Variants in ABTB2 observed in about 807,000 individuals in gnomAD.
ABTB2 encodes ankyrin repeat and BTB/POZ domain-containing protein 2.
A neutral mutation model predicts 104.1 loss-of-function variants in ABTB2; 56 were observed. The observed-to-expected ratio is 0.54, with a 90% CI of 0.43 to 0.67. The LOEUF (loss-of-function observed/expected upper bound fraction) is 0.67, where lower values mean the gene tolerates loss of function less well. Ranked by LOEUF, ABTB2 falls within the 30% of genes least tolerant of loss-of-function variation. The probability of loss-of-function intolerance (pLI) is 0.00; values close to 1 mark genes in which losing one functional copy is unlikely to be tolerated. For missense variants in ABTB2, 1,279 were observed against 1,407.7 expected, an observed-to-expected ratio of 0.91 and a Z score of 1.46; for synonymous variants, 606 against 608.2, an observed-to-expected ratio of 1.00 and a Z score of 0.05.
chr11:34,241,448 T>C (rs1302636558), intron 1 of ABTB2, among the ~76,000 whole-genome samples: 1 of 152,000 alleles, frequency 6.6e-6, no homozygotes. Context: ...GTACCACAAA[T>C]GGGGTGAGGA....
intron 5 of ABTB2, among the ~76,000 whole-genome samples, chr11:34,169,425 C>T (rs1259396519): frequency 6.6e-6 from 1 of 152,168 alleles, no homozygotes; most frequent in Non-Finnish European, 1.5e-5. Context: ...TGCAGACTTC[C>T]CCCAACCCTA....
chr11:34,255,666 T>C (rs1854113041), intron 1 of ABTB2, among the ~76,000 whole-genome samples: 1 of 152,082 alleles, frequency 6.6e-6, no homozygotes, highest in Non-Finnish European at 1.5e-5. Flanking sequence ...TACAGGTACG[T>C]GCCACCACAC....
intron 1 of ABTB2, among the ~76,000 whole-genome samples, chr11:34,339,691 C>T (rs1855239305): frequency 6.6e-6 from 1 of 151,988 alleles, no homozygotes; most frequent in Non-Finnish European, 1.5e-5. Context: ...CATTTGGATT[C>T]CCCCAGTTTA....
Position 34,167,884 on chromosome 11 carries a change from CTCTGTGGGG to C in ABTB2, c.1653+10_1653+18del. On this transcript the variant is annotated intron_variant, in intron 6 of 16. Transcript: ENST00000435224. ...CTGCTGGCCTAGGGCCTGGGTGCAG[CTCTGTGGGG>C]CTTCCTCACCTGGATGTCCAAGTTT... is the stretch of plus-strand genomic sequence containing the variant. The C allele has an allele frequency of 1.2e-6, 2 of 1,613,606 alleles. No homozygotes were observed. Among genetic ancestry groups the C allele is most frequent in the Non-Finnish European group, 1.7e-6 (2 of 1,179,574 alleles).
chr11:34,314,317 C>T (rs1410547336), intron 1 of ABTB2, among the ~76,000 whole-genome samples: 1 of 152,150 alleles, frequency 6.6e-6, no homozygotes, highest in Non-Finnish European at 1.5e-5. Flanking sequence ...GCAACCTGTT[C>T]ACTAAGTGGG....
At chr11:34,196,441 C>T (rs1015286880) in intron 3 of ABTB2, among the ~76,000 whole-genome samples, 1 of 152,190 alleles carries the variant, frequency 6.6e-6, no homozygotes, top group African/African-American at 2.4e-5. Context: ...GTAGTCCCAG[C>T]TACTCGGGAG....
intron 1 of ABTB2, among the ~76,000 whole-genome samples, chr11:34,239,318 G>C (rs1284164185): frequency 6.6e-6 from 1 of 152,106 alleles, no homozygotes; most frequent in Non-Finnish European, 1.5e-5. Context: ...GCCAACCAAG[G>C]CTTCATTGAT....
intron 1 of ABTB2, among the ~76,000 whole-genome samples, chr11:34,245,849 T>C (rs545933980): frequency 4.6e-5 from 7 of 152,290 alleles, no homozygotes; most frequent in African/African-American, 1.7e-4. Flanking sequence ...TCCAAAGCTG[T>C]CCCCAAAGTA....
intron 1 of ABTB2, among the ~76,000 whole-genome samples, chr11:34,321,523 T>C (rs1397920515): frequency 6.6e-6 from 1 of 152,236 alleles, no homozygotes; most frequent in Non-Finnish European, 1.5e-5. Flanking sequence ...TGCACCCGGA[T>C]GCAAAGCCAA....
chr11:34,160,302 T>C lies in ABTB2; in HGVS notation c.2449A>G (p.Ser817Gly), dbSNP rs772188481. ...LATIFTHCYG[S>G]SPIPSIPEIR... ...TCTGGGATGCTGGGGATGGGACTGC[T>C]GCCATAGCAGTGGGTGAAGATGGTA... The change falls in exon 12 of 17, where the codon AGC (serine) becomes GGC (glycine). Residue 817 changes from serine to glycine, a missense_variant. Transcript: ENST00000435224. 1.9e-6 allele frequency: 3 copies of C among 1,614,182 alleles called. No homozygotes were observed. The highest frequency in any genetic ancestry group is 1.6e-4 in the Middle Eastern group (1 of 6,062).
chr11:34,270,807 C>T (rs969191583), intron 1 of ABTB2, among the ~76,000 whole-genome samples: 1 of 152,174 alleles, frequency 6.6e-6, no homozygotes, highest in Non-Finnish European at 1.5e-5. Context: ...GGGACTCTCC[C>T]AAGTTTTAGA....
intron 5 of ABTB2, among the ~76,000 whole-genome samples, chr11:34,170,700 G>A (rs1054567180): frequency 6.6e-6 from 1 of 152,224 alleles, no homozygotes; most frequent in Non-Finnish European, 1.5e-5. Context: ...GAAGCCACAT[G>A]ACAAAGTTCT....
intron 1 of ABTB2, among the ~76,000 whole-genome samples, chr11:34,216,251 T>C (rs1258058984): frequency 6.6e-6 from 1 of 152,160 alleles, no homozygotes; most frequent in East Asian, 1.9e-4. Flanking sequence ...GAAGGCTTCC[T>C]GGAAGAAGGG....
intron 2 of ABTB2, among the ~76,000 whole-genome samples, chr11:34,200,182 G>A (rs1461184860): frequency 6.6e-6 from 1 of 152,206 alleles, no homozygotes; most frequent in Admixed American, 6.6e-5. Context: ...AGGACCACAA[G>A]GAGGAGAAAT....
In ABTB2 at chr11:34,173,514, G is replaced by A. The variant is rs112301096; in HGVS notation, c.1245-207C>T. ...CAGGGGACCCCTTAAGCACACACAT[G>A]CTCACAAGTGGCAACCAAGGCTGAT... On this transcript the variant is annotated intron_variant, in intron 3 of 16. Transcript: ENST00000435224. Among the ~76,000 whole-genome samples the A allele has an allele frequency of 3.3e-5, 5 of 152,238 alleles. 1 individual carries two copies. The highest frequency in any genetic ancestry group is 9.6e-5 in the African/African-American group (4 of 41,542).
In ABTB2 at chr11:34,302,071, C is replaced by T. The variant is rs78209236; in HGVS notation, c.883+54630G>A. ...GAAAATACATAGAAGATAAAAATCACGTGTGTGTACACCCCCAAGATAATC... is the reference window on the plus strand; with the variant it reads ...GAAAATACATAGAAGATAAAAATCATGTGTGTGTACACCCCCAAGATAATC... On this transcript the variant is annotated intron_variant, in intron 1 of 16. Coordinates refer to ENST00000435224, the MANE Select transcript of ABTB2 (RefSeq NM_145804.3). Among the ~76,000 whole-genome samples, 622 of 152,296 alleles carry T rather than the reference C, an allele frequency of 4.1e-3. 19 individuals are homozygous for T. In the East Asian group the frequency reaches 0.059, roughly 14 times the overall value.
rs918584503 is a variant in ABTB2 at position 34,234,719 on chromosome 11, T to C, written c.884-30029A>G. 6.6e-5 allele frequency among the ~76,000 whole-genome samples: 10 copies of C among 152,308 alleles called. No individual in the cohort carries two copies. In the South Asian group the frequency reaches 8.3e-4, roughly 13 times the overall value. The stretch of plus-strand genomic sequence containing the variant: ...GGACAGTCAGGTAACTAATTGCCTA[T>C]TGCGACTCCCAGCTTACAGGGTAAT... On this transcript the variant is annotated intron_variant, in intron 1 of 16. Transcript: ENST00000435224.
At chr11:34,263,662 C>A (rs925398246) in intron 1 of ABTB2, among the ~76,000 whole-genome samples, 1 of 152,152 alleles carries the variant, frequency 6.6e-6, no homozygotes, top group Non-Finnish European at 1.5e-5. Flanking sequence ...TAAGAGTTTC[C>A]ATTACCAGCC....
chr11:34,307,743 G>C (rs1022983920), intron 1 of ABTB2, among the ~76,000 whole-genome samples: 2 of 151,540 alleles, frequency 1.3e-5, no homozygotes, highest in Non-Finnish European at 2.9e-5. Context: ...CTGTCGCCCA[G>C]GCTGGAGTGC....
Sources: gnomAD v4.1 joint callset for allele counts (sites outside exome capture counted in the v4.1 genomes callset) on GRCh38, gnomAD v4.1.1 for gene constraint, MANE v1.5 for transcripts, NCBI Gene and HGNC (gene_info 2026-07-23, HGNC 2026-07-21) for gene names.